The following PPP4R2 variants were observed in gnomAD, a reference collection of about 807,000 sequenced individuals.
The protein encoded by PPP4R2 is protein phosphatase 4 regulatory subunit 2.
In PPP4R2, 13 loss-of-function variants were observed where a neutral mutation model predicts 47.2. That is an observed-to-expected ratio of 0.28 (90% CI 0.18 to 0.44). PPP4R2 has a LOEUF of 0.44. PPP4R2 is among the 20% of genes least tolerant of loss of function. The pLI is 1.00. For synonymous variants in PPP4R2, 151 were observed against 163.3 expected (o/e 0.92, Z 0.57); for missense variants, 421 against 491.2 (o/e 0.86, Z 1.35).
At chr3:73,052,539 A>G (rs1278233389) in intron 3 of PPP4R2, among the ~76,000 whole-genome samples, 1 of 151,618 alleles carries the variant, frequency 6.6e-6, no homozygotes, top group Non-Finnish European at 1.5e-5. Flanking sequence ...GGAATTGCTA[A>G]TAGGTAATGG....
intron 2 of PPP4R2, among the ~76,000 whole-genome samples, chr3:73,005,471 A>AGG (rs1206953774): frequency 6.6e-6 from 1 of 151,630 alleles, no homozygotes; most frequent in South Asian, 2.1e-4. Flanking sequence ...TGGGGAGGGG[A>AGG]GGGAGACTAT....
intron 3 of PPP4R2, among the ~76,000 whole-genome samples, chr3:73,055,763 G>A (rs186192229): frequency 4.6e-5 from 7 of 151,550 alleles, no homozygotes; most frequent in Admixed American, 4.6e-4. Flanking sequence ...CCACCGCCCA[G>A]GTTCAAGCAA....
chr3:73,006,109 T>C (rs1701604304), intron 2 of PPP4R2, among the ~76,000 whole-genome samples: 1 of 152,126 alleles, frequency 6.6e-6, no homozygotes, highest in African/African-American at 2.4e-5. Flanking sequence ...CCATACAGTA[T>C]GTATTCTTTG....
chr3:73,000,789 T>C (rs1207380829), intron 2 of PPP4R2, among the ~76,000 whole-genome samples: 1 of 152,222 alleles, frequency 6.6e-6, no homozygotes, highest in African/African-American at 2.4e-5. Flanking sequence ...CTGAAGGTAA[T>C]GTAGTTTCTG....
rs1701742012 is a variant in PPP4R2 at position 73,012,333 on chromosome 3, T to C, written c.116+14175T>C. Among the ~76,000 whole-genome samples the C allele has an allele frequency of 3.3e-5, 5 of 152,286 alleles. No homozygotes were observed. The South Asian group carries it at 1.0e-3, about 32-fold the overall frequency. ...CTTTTTTTTTGAGACGGAGTCTTGC[T>C]CTGTCACCCAGGCTGGAGTGCAGCG... On this transcript the variant is annotated intron_variant, in intron 2 of 8. Transcript: ENST00000356692.
chr3:73,060,914 A>T, intron 4 of PPP4R2, 109 bp from the exon 5 acceptor site: 1 of 648,072 alleles, frequency 1.5e-6, no homozygotes, highest in Non-Finnish European at 2.5e-6. Flanking sequence ...TAGCAAAATT[A>T]GAATCAATGG....
At chr3:73,053,049 G>T (rs1209010711) in intron 3 of PPP4R2, among the ~76,000 whole-genome samples, 5 of 152,190 alleles carry the variant, frequency 3.3e-5, no homozygotes, top group Non-Finnish European at 5.9e-5. Flanking sequence ...TGAGAGAATG[G>T]GTCCTTAGCC....
At chr3:73,031,209 C>T (rs1702158949) in intron 2 of PPP4R2, among the ~76,000 whole-genome samples, 2 of 152,246 alleles carry the variant, frequency 1.3e-5, no homozygotes, top group Admixed American at 6.5e-5. Context: ...AAGTGATACA[C>T]CTCTTCTCTA....
chr3:73,036,827 T>C (rs1459680238), intron 2 of PPP4R2, among the ~76,000 whole-genome samples: 1 of 152,036 alleles, frequency 6.6e-6, no homozygotes, highest in Non-Finnish European at 1.5e-5. Flanking sequence ...TATATAAAAT[T>C]ACACAAAATA....
At chr3:73,039,119 T>A (rs1702325249) in intron 2 of PPP4R2, among the ~76,000 whole-genome samples, 1 of 152,216 alleles carries the variant, frequency 6.6e-6, no homozygotes, top group Non-Finnish European at 1.5e-5. Flanking sequence ...TTCATTTATA[T>A]AAAAAACAAT....
chr3:73,021,856 G>T (rs1485297206), intron 2 of PPP4R2, among the ~76,000 whole-genome samples: 1 of 137,142 alleles, frequency 7.3e-6, no homozygotes, highest in African/African-American at 2.8e-5. Flanking sequence ...ATATGTGTGT[G>T]TGTGTGTGTG....
intron 3 of PPP4R2, among the ~76,000 whole-genome samples, chr3:73,047,851 A>G (rs1232599255): frequency 2.0e-5 from 3 of 152,140 alleles, no homozygotes; most frequent in Non-Finnish European, 4.4e-5. Context: ...ATTCTGTACA[A>G]AAGTAAAACT....
intron 3 of PPP4R2, among the ~76,000 whole-genome samples, chr3:73,047,789 T>A (rs1012105573): frequency 6.6e-6 from 1 of 152,230 alleles, no homozygotes; most frequent in Non-Finnish European, 1.5e-5. Context: ...GCTTGTTAGT[T>A]ACAAGTAACC....
At chr3:73,055,816 G>A (rs1702721281) in intron 3 of PPP4R2, among the ~76,000 whole-genome samples, 1 of 152,030 alleles carries the variant, frequency 6.6e-6, no homozygotes, top group Non-Finnish European at 1.5e-5. Flanking sequence ...TTACAGGCCA[G>A]GCTGGTTCTT....
chr3:73,060,945 AT>A (rs776125612), intron 4 of PPP4R2, 77 bp from the exon 5 acceptor site: 49 of 1,003,598 alleles, frequency 4.9e-5, no homozygotes, highest in African/African-American at 3.0e-4. Context: ...CACCAGAGTG[AT>A]TTTAGAAACA....
chr3:73,011,764 C>G (rs990098681), intron 2 of PPP4R2, among the ~76,000 whole-genome samples: 1 of 147,810 alleles, frequency 6.8e-6, no homozygotes, highest in East Asian at 2.2e-4. Flanking sequence ...GGTGATGAGA[C>G]TGATACGTGT....
In PPP4R2 at chr3:72,997,997, G is replaced by C. The variant is rs926512945; in HGVS notation, c.35-80G>C. Reference sequence around the variant, plus strand: ...TTTGTATTTAATTGATTTTTAATAAGGTAAAGGACTAGGAGGAAAGTTTGT... The same window carrying C: ...TTTGTATTTAATTGATTTTTAATAACGTAAAGGACTAGGAGGAAAGTTTGT... On this transcript the variant is annotated intron_variant, in intron 1 of 8. Coordinates refer to ENST00000356692, the MANE Select transcript of PPP4R2 (RefSeq NM_174907.4). 7 of 928,906 alleles carry C rather than the reference G, an allele frequency of 7.5e-6. 1 individual carries two copies. Among genetic ancestry groups the C allele is most frequent in the Non-Finnish European group, 1.2e-5 (7 of 580,644 alleles). The allele number at this position is 928,906 out of a possible 1,614,324, so 57.5% of individuals were successfully genotyped here.
At chr3:73,018,033 C>G (rs867760113) in intron 2 of PPP4R2, among the ~76,000 whole-genome samples, 1 of 152,174 alleles carries the variant, frequency 6.6e-6, no homozygotes, top group South Asian at 2.1e-4. Flanking sequence ...CGTGCAGATA[C>G]AGACCAGGTT....
At chr3:73,034,291 AGTTTT>A (rs1412040203) in intron 2 of PPP4R2, among the ~76,000 whole-genome samples, 18 of 152,062 alleles carry the variant, frequency 1.2e-4, no homozygotes, top group African/African-American at 4.3e-4. Flanking sequence ...TTGAGTTAGT[AGTTTT>A]GTTTTATTTT....
Sources: allele counts gnomAD v4.1 joint callset (sites outside exome capture counted in the v4.1 genomes callset), GRCh38; gene constraint gnomAD v4.1.1; transcripts MANE v1.5; gene names NCBI Gene and HGNC (gene_info 2026-07-23, HGNC 2026-07-21).